The following URB1 variants were observed in gnomAD, a reference collection of about 807,000 sequenced individuals.
The protein encoded by URB1 is URB1 ribosome biogenesis factor.
A neutral mutation model predicts 242.3 loss-of-function variants in URB1; 197 were observed. The observed-to-expected ratio is 0.81, with a 90% CI of 0.72 to 0.91. URB1 has a LOEUF of 0.91. Among genes scored for constraint, URB1 ranks in the 40% least tolerant of loss-of-function variants. The pLI, the probability that URB1 is intolerant of heterozygous loss-of-function variation, is 0.00. For missense variants in URB1, 2,721 were observed against 2,860.5 expected (o/e 0.95, Z 1.11); for synonymous variants, 1,153 against 1,201.8 (o/e 0.96, Z 0.84).
chr21:32,366,868 G>T, intron 9 of URB1, 113 bp from the exon 10 acceptor site: 1 of 1,153,784 alleles, frequency 8.7e-7, no homozygotes, highest in Non-Finnish European at 1.2e-6. Flanking sequence ...TAGCGGTAAA[G>T]GTCCGAGACT....
intron 6 of URB1, among the ~76,000 whole-genome samples, chr21:32,374,066 T>G (rs1036419982): frequency 3.9e-5 from 6 of 152,222 alleles, no homozygotes; most frequent in African/African-American, 1.4e-4. Context: ...TATTTATATA[T>G]GATTACTTAT....
chr21:32,347,232 T>C lies in URB1; in HGVS notation c.3592A>G (p.Thr1198Ala). 3 of 1,550,736 alleles carry C rather than the reference T, an allele frequency of 1.9e-6. No individual in the cohort carries two copies. The highest frequency in any genetic ancestry group is 1.2e-5 in the South Asian group (1 of 84,056). ...CTCTGCAGAGTGTGGAGGAGCACTG[T>C]GTCCAGCTCGTCCACTGCTAGCGTG... ...LPTLAVDELD[T>A]VLLHTLQRDP... The change falls in exon 22 of 39, where the codon ACA becomes GCA. Residue 1198 changes from threonine (T) to alanine (A), a missense_variant. By Grantham distance (58) the Thr-to-Ala change is moderately conservative. Coordinates refer to ENST00000382751, the MANE Select transcript of URB1 (RefSeq NM_014825.3).
intron 8 of URB1, among the ~76,000 whole-genome samples, chr21:32,369,823 C>T (rs1344661417): frequency 4.6e-5 from 7 of 151,848 alleles, no homozygotes; most frequent in Admixed American, 2.6e-4. Context: ...AAAAATCTAC[C>T]GTAGAAAAAT....
Position 32,331,543 on chromosome 21 carries a change from G to A in URB1, c.4960+1774C>T, listed in dbSNP as rs568647145. On this transcript the variant is annotated intron_variant, in intron 30 of 38. Transcript: ENST00000382751. The stretch of plus-strand genomic sequence containing the variant: ...TGAGACCCAAAGAACAAGGGAGTGC[G>A]TTCCTGGGTTGTCTTCTTGCCTCAT... Among the ~76,000 whole-genome samples the A allele has an allele frequency of 9.2e-5, 14 of 152,294 alleles. No homozygotes were observed. In the South Asian group the frequency reaches 2.1e-3, roughly 23 times the overall value.
At chr21:32,386,771 GGTATGA>G (rs2033587866) in intron 1 of URB1, among the ~76,000 whole-genome samples, 1 of 152,144 alleles carries the variant, frequency 6.6e-6, no homozygotes, top group African/African-American at 2.4e-5. Context: ...CTCCACCCTA[GGTATGA>G]GTATTTTTTT....
rs1011076306 is a variant in URB1, at chr21:32,324,557, C to T, written c.5167G>A (p.Asp1723Asn). 5 of 1,551,822 alleles carry T rather than the reference C, an allele frequency of 3.2e-6. No individual in the cohort carries two copies. Among genetic ancestry groups the T allele is most frequent in the Non-Finnish European group, 4.4e-6 (5 of 1,147,026 alleles). ...DVVRNGIRTQ[D>N]MRLTFTLALF... ...GCCAAGGTAAAAGTAAGTCTCATGT[C>T]CTGAGTTCGAATCCCATTCCGGACT... Residue 1723 changes from aspartate to asparagine, a missense_variant, in exon 32 of 39, where the codon GAC (aspartate) becomes AAC (asparagine). Physicochemically the swap from Asp to Asn is conservative, Grantham distance 23. Coordinates refer to ENST00000382751, the MANE Select transcript of URB1 (RefSeq NM_014825.3).
intron 31 of URB1, 139 bp from the exon 32 acceptor site, chr21:32,324,741 A>C: frequency 1.6e-6 from 1 of 629,310 alleles, no homozygotes; most frequent in Non-Finnish European, 2.8e-6. Context: ...GACGAAGCTC[A>C]CAGGAGCAGA....
intron 5 of URB1, among the ~76,000 whole-genome samples, chr21:32,376,213 T>C (rs916622459): frequency 2.6e-5 from 4 of 152,224 alleles, no homozygotes; most frequent in African/African-American, 9.6e-5. Flanking sequence ...AAGTTGGCAG[T>C]AGAATTTTGG....
chr21:32,317,951 G>C (rs1296095429), intron 36 of URB1, 34 bp from the exon 37 acceptor site: 1 of 1,548,852 alleles, frequency 6.5e-7, no homozygotes, highest in Non-Finnish European at 8.7e-7. Context: ...ACTGAGCAAA[G>C]GCTGCTGCCC....
At chr21:32,328,971 T>C (rs2032862037) in intron 30 of URB1, among the ~76,000 whole-genome samples, 1 of 152,132 alleles carries the variant, frequency 6.6e-6, no homozygotes, top group Non-Finnish European at 1.5e-5. Flanking sequence ...AAATTAAAAC[T>C]GCCCCAGAAC....
chr21:32,323,946 G>C (rs1031990541), intron 32 of URB1, among the ~76,000 whole-genome samples: 2 of 152,158 alleles, frequency 1.3e-5, no homozygotes, highest in Admixed American at 6.5e-5. Flanking sequence ...CTGGGTGACA[G>C]TGCCAGACCG....
Position 32,311,407 on chromosome 21 carries a change from CA to C in URB1, c.*3510del. On this transcript the variant is annotated 3_prime_UTR_variant, in exon 39 of 39. Transcript: ENST00000382751. ...GATGGGAGGTCAACCTGCTCCCCTCCACCCCCCACCCCCCCCATCCTAAATC... is the reference window on the plus strand; with the variant it reads ...GATGGGAGGTCAACCTGCTCCCCTCCCCCCCCACCCCCCCCATCCTAAATC... 2 of 336,206 alleles carry C rather than the reference CA, an allele frequency of 5.9e-6. No individual in the cohort carries two copies. The highest frequency in any genetic ancestry group is 1.1e-5 in the Non-Finnish European group (2 of 181,204). 20.8% of individuals were successfully genotyped at this position (336,206 alleles called of 1,614,324 possible).
In URB1 at chr21:32,360,371, G is replaced by C. The variant is rs555829168; in HGVS notation, c.1757-463C>G. ...CCAAATACTAAATGGCCACATTCTA[G>C]TAAATTTCATATTTCCACAGCAAAG... On this transcript the variant is annotated intron_variant, in intron 13 of 38. Coordinates refer to ENST00000382751, the MANE Select transcript of URB1 (RefSeq NM_014825.3). Among the ~76,000 whole-genome samples, 21 of 152,334 alleles carry C rather than the reference G, an allele frequency of 1.4e-4. No individual in the cohort carries two copies. In the South Asian group the frequency reaches 3.7e-3, roughly 27 times the overall value.
chr21:32,378,070 GTTTT>G (rs2033479433), intron 5 of URB1, among the ~76,000 whole-genome samples: 1 of 152,178 alleles, frequency 6.6e-6, no homozygotes, highest in Non-Finnish European at 1.5e-5. Flanking sequence ...AACTAACTTT[GTTTT>G]TTAAAACGAC....
In URB1 at chr21:32,392,869, G is replaced by A. The variant is rs762369581; in HGVS notation, c.42C>T (p.Gly14=). The A allele has an allele frequency of 1.2e-5, 18 of 1,531,612 alleles. No homozygotes were observed. Among genetic ancestry groups the A allele is most frequent in the Non-Finnish European group, 1.4e-5 (16 of 1,144,632 alleles). The allele number at this position is 1,531,612 out of a possible 1,614,324, so 94.9% of individuals were successfully genotyped here. ...TGGCTGCACCCGCGGAGGAAGCCGCGCCGTCCTGGCCGCCCGAGGCCTTCC... is the reference window on the plus strand; with the variant it reads ...TGGCTGCACCCGCGGAGGAAGCCGCACCGTCCTGGCCGCCCGAGGCCTTCC... ...PKRKASGGQD[G]AASSAGAAKR... The change falls in exon 1 of 39, where the codon GGC becomes GGT. Residue 14 remains glycine (G), a synonymous_variant. Transcript: ENST00000382751.
chr21:32,363,162 C>A lies in URB1; in HGVS notation c.1503G>T (p.Leu501=). ...AACCCAGATCAGAGCCTACCTTGCT[C>A]AGGGCTTCTCTGAAGAGCTGCACGA... ...EEFVQLFREA[L]SKILPDLNTV... The change falls in exon 11 of 39, where the codon CTG becomes CTT. Residue 501 remains leucine (L), a synonymous_variant. Transcript: ENST00000382751. 3 of 1,551,568 alleles carry A rather than the reference C, an allele frequency of 1.9e-6. No homozygotes were observed. The highest frequency in any genetic ancestry group is 2.6e-6 in the Non-Finnish European group (3 of 1,146,962).
chr21:32,334,389 T>G (rs1384934131), intron 28 of URB1, 55 bp from the exon 29 acceptor site: 1 of 1,489,392 alleles, frequency 6.7e-7, no homozygotes, highest in Non-Finnish European at 9.0e-7. Context: ...GGAACAGAAT[T>G]AATCATGATA....
At chr21:32,341,298 G>A (rs1371247065) in intron 25 of URB1, among the ~76,000 whole-genome samples, 168 bp downstream of exon 25, 1 of 152,206 alleles carries the variant, frequency 6.6e-6, no homozygotes, top group African/African-American at 2.4e-5. Flanking sequence ...GAAGCACCCT[G>A]TGTCAAGAGG....
Position 32,392,798 on chromosome 21 carries a change from T to A in URB1, c.113A>T (p.Gln38Leu). ...CCCGGGGCCCTGCGGGTCCTTCAGCTGAGCCTTGAACCGCACGCCCGTGAG... is the reference window on the plus strand; with the variant it reads ...CCCGGGGCCCTGCGGGTCCTTCAGCAGAGCCTTGAACCGCACGCCCGTGAG... ...EELTGVRFKA[Q>L]LKDPQGPGPG... Residue 38 changes from glutamine (Q) to leucine (L), a missense_variant, in exon 1 of 39, where the codon CAG (glutamine) becomes CTG (leucine). Physicochemically the swap from Gln to Leu is moderately radical, Grantham distance 113 (BLOSUM62 -2). Transcript: ENST00000382751. 1.3e-6 allele frequency: 2 copies of A among 1,509,380 alleles called. No individual in the cohort carries two copies. Among genetic ancestry groups the A allele is most frequent in the Non-Finnish European group, 1.8e-6 (2 of 1,131,402 alleles). The allele number at this position is 1,509,380 out of a possible 1,614,324, so 93.5% of individuals were successfully genotyped here.
Sources: gnomAD v4.1 joint callset for allele counts (sites outside exome capture counted in the v4.1 genomes callset) on GRCh38, gnomAD v4.1.1 for gene constraint, MANE v1.5 for transcripts, NCBI Gene and HGNC (gene_info 2026-07-23, HGNC 2026-07-21) for gene names.